The following PSMD11 variants were observed in gnomAD, a reference collection of about 807,000 sequenced individuals.
PSMD11 encodes the protein proteasome 26S subunit, non-ATPase 11, also known as 26S proteasome non-ATPase regulatory subunit 11.
Under a neutral mutation model 62.3 loss-of-function variants are expected in PSMD11, and 5 were observed. The observed-to-expected ratio is 0.08, with a 90% CI of 0.04 to 0.17. PSMD11 has a LOEUF of 0.17. Among genes scored for constraint, PSMD11 ranks in the 10% least tolerant of loss-of-function variants. The pLI, the probability that PSMD11 is intolerant of heterozygous loss-of-function variation, is 1.00. For missense variants in PSMD11, 310 were observed against 512.9 expected (o/e 0.60, Z 3.82); for synonymous variants, 191 against 191.8 (o/e 1.00, Z 0.03).
chr17:32,480,411 C>G (rs915646650), intron 12 of PSMD11, 78 bp from the exon 13 acceptor site: 1 of 1,555,652 alleles, frequency 6.4e-7, no homozygotes. Flanking sequence ...AGTGAGTCAA[C>G]TAGGGAGTGG....
At chr17:32,474,705 A>C in intron 7 of PSMD11, 59 bp from the exon 8 acceptor site, 1 of 1,562,172 alleles carries the variant, frequency 6.4e-7, no homozygotes, top group Non-Finnish European at 8.8e-7. Context: ...AATTTGCCCA[A>C]ACCTTCCTTT....
At chr17:32,472,872 T>G in intron 6 of PSMD11, among the ~76,000 whole-genome samples, 1 of 140,512 alleles carries the variant, frequency 7.1e-6, no homozygotes, top group African/African-American at 2.7e-5. Flanking sequence ...AGAGACAAGG[T>G]CGGCTGGGTG....
chr17:32,479,641 T>C, intron 10 of PSMD11: 1 of 707,216 alleles, frequency 1.4e-6, no homozygotes, highest in Non-Finnish European at 2.3e-6. Flanking sequence ...CTGTTTTCTG[T>C]ATTGGGTGTG....
chr17:32,455,866 G>T (rs756484538), intron 3 of PSMD11, among the ~76,000 whole-genome samples: 2 of 152,052 alleles, frequency 1.3e-5, no homozygotes, highest in African/African-American at 4.8e-5. Flanking sequence ...TCATGAGTCC[G>T]GGTGCGGTGG....
chr17:32,460,646 G>A (rs1314297395), intron 3 of PSMD11, among the ~76,000 whole-genome samples: 3 of 151,828 alleles, frequency 2.0e-5, no homozygotes, highest in African/African-American at 4.8e-5. Flanking sequence ...GGTGGCGGGC[G>A]CCTGAAGTCC....
chr17:32,461,438 G>A (rs1051285335), intron 3 of PSMD11, among the ~76,000 whole-genome samples: 3 of 151,980 alleles, frequency 2.0e-5, no homozygotes, highest in Non-Finnish European at 2.9e-5. Flanking sequence ...GAGCATGGTG[G>A]CAGGCGCCTG....
At chr17:32,474,036 C>A in intron 7 of PSMD11, 91 bp downstream of exon 7, 1 of 1,485,682 alleles carries the variant, frequency 6.7e-7, no homozygotes, top group Non-Finnish European at 9.2e-7. Flanking sequence ...GGGAGTTTGG[C>A]CAGTTACAGA....
intron 2 of PSMD11, among the ~76,000 whole-genome samples, chr17:32,449,333 A>T: frequency 6.6e-6 from 1 of 152,082 alleles, no homozygotes; most frequent in East Asian, 1.9e-4. Context: ...TGAGCCGAGG[A>T]GGTTGAGGCT....
rs1907741903 is a variant in PSMD11, at chr17:32,459,127, TA to T, written c.318+4509del. ...AAAAAAAAAAATACATATATATATA[TA>T]TATATATATATGTATTTTTTTTTTT... is the stretch of plus-strand genomic sequence containing the variant. On this transcript the variant is annotated intron_variant, in intron 3 of 13. Coordinates refer to ENST00000261712, the MANE Select transcript of PSMD11 (RefSeq NM_002815.4). 1.5e-4 allele frequency among the ~76,000 whole-genome samples: 21 copies of T among 142,634 alleles called. 1 individual carries two copies. The highest frequency in any genetic ancestry group is 5.5e-4 in the African/African-American group (21 of 38,412). 93.6% of individuals were successfully genotyped at this position (142,634 alleles called of 152,430 possible).
chr17:32,467,686 A>T (rs1030913546), intron 5 of PSMD11, among the ~76,000 whole-genome samples: 10 of 152,160 alleles, frequency 6.6e-5, no homozygotes, highest in Non-Finnish European at 1.5e-4. Flanking sequence ...GTCATAGCTC[A>T]CTGCAGCCTG....
At chr17:32,453,818 G>C (rs1218423343) in intron 2 of PSMD11, among the ~76,000 whole-genome samples, 1 of 152,150 alleles carries the variant, frequency 6.6e-6, no homozygotes, top group Non-Finnish European at 1.5e-5. Flanking sequence ...ATATAGTGGG[G>C]GAAAAGCTCT....
chr17:32,474,115 C>CT, intron 7 of PSMD11, 170 bp downstream of exon 7: 3 of 680,898 alleles, frequency 4.4e-6, no homozygotes, highest in Non-Finnish European at 7.4e-6. Flanking sequence ...GTCCAGAAAA[C>CT]TTTCGCTTGC....
At chr17:32,444,908 A>G (rs2150826700) in intron 1 of PSMD11, 1 of 485,944 alleles carries the variant, frequency 2.1e-6, no homozygotes, top group Admixed American at 4.0e-5. Context: ...CTCCCTAGCC[A>G]TGTCCCCGGC....
chr17:32,475,602 CTTTT>C lies in PSMD11; in HGVS notation c.849+790_849+793del, dbSNP rs1223197720. On this transcript the variant is annotated intron_variant, in intron 8 of 13. Transcript: ENST00000261712. ...CCTCTCTACAAGTGGCCCTAATTGG[CTTTT>C]TTTTTTTTTTTGAGTTGGAGTCTCA... Among the ~76,000 whole-genome samples, 5 of 136,912 alleles carry C rather than the reference CTTTT, an allele frequency of 3.7e-5. No individual in the cohort carries two copies. The South Asian group carries it at 7.1e-4, about 19-fold the overall frequency. 89.8% of individuals were successfully genotyped at this position (136,912 alleles called of 152,430 possible). A position where few individuals can be genotyped will look rare whatever the true frequency, so the allele number is the denominator to read the frequency against.
At chr17:32,465,994 C>T (rs1209621806) in intron 5 of PSMD11, among the ~76,000 whole-genome samples, 2 of 151,320 alleles carry the variant, frequency 1.3e-5, no homozygotes, top group Non-Finnish European at 2.9e-5. Context: ...AAAAAAATTT[C>T]AGAACTTTTT....
At chr17:32,467,888 T>C (rs1372085599) in intron 5 of PSMD11, among the ~76,000 whole-genome samples, 1 of 152,216 alleles carries the variant, frequency 6.6e-6, no homozygotes, top group East Asian at 1.9e-4. Context: ...CAGTTTGTTG[T>C]TCAGATTTTT....
At chr17:32,480,316 C>T (rs1018114743) in intron 12 of PSMD11, 119 bp downstream of exon 12, 1 of 1,469,934 alleles carries the variant, frequency 6.8e-7, no homozygotes, top group Non-Finnish European at 9.5e-7. Context: ...GGGTCCTGGC[C>T]CCTCTTCCCT....
chr17:32,461,319 C>T (rs1414618452), intron 3 of PSMD11, among the ~76,000 whole-genome samples: 1 of 152,116 alleles, frequency 6.6e-6, no homozygotes, highest in African/African-American at 2.4e-5. Context: ...CCTCGTGATC[C>T]GCCCGCTTTG....
chr17:32,475,061 T>C (rs1358570241), intron 8 of PSMD11, among the ~76,000 whole-genome samples: 4 of 152,220 alleles, frequency 2.6e-5, no homozygotes, highest in African/African-American at 9.6e-5. Flanking sequence ...CTTAGGGAAC[T>C]GAACTGTAGC....
Sources: allele counts gnomAD v4.1 joint callset (sites outside exome capture counted in the v4.1 genomes callset), GRCh38; gene constraint gnomAD v4.1.1; transcripts MANE v1.5; gene names NCBI Gene and HGNC (gene_info 2026-07-23, HGNC 2026-07-21).